CCDC192: variants seen among roughly 807,000 people sequenced by gnomAD.
CCDC192 encodes coiled-coil domain-containing protein 192.
chr5:127,708,332 G>T, intron 2 of CCDC192, among the ~76,000 whole-genome samples: 1 of 152,198 alleles, frequency 6.6e-6, no homozygotes, highest in East Asian at 1.9e-4. Context: ...TAGGCCTCCA[G>T]TGAAAGTGTG....
chr5:127,880,449 T>G (rs1752300345), intron 6 of CCDC192, among the ~76,000 whole-genome samples: 1 of 79,230 alleles, frequency 1.3e-5, no homozygotes. Context: ...CTGGGGACTG[T>G]GGTGGGGTGG....
At chr5:127,795,850 G>A (rs568836172) in intron 3 of CCDC192, among the ~76,000 whole-genome samples, 12 of 152,084 alleles carry the variant, frequency 7.9e-5, no homozygotes, top group Non-Finnish European at 1.6e-4. Context: ...AAATAGAAGG[G>A]TAGGCAGAGA....
At chr5:127,746,307 C>A (rs1412567946) in intron 2 of CCDC192, among the ~76,000 whole-genome samples, 1 of 152,172 alleles carries the variant, frequency 6.6e-6, no homozygotes, top group Non-Finnish European at 1.5e-5. Context: ...TTGGCTTTGA[C>A]TTATATTGCT....
At chr5:127,724,722 G>A (rs930240976) in intron 2 of CCDC192, among the ~76,000 whole-genome samples, 14 of 151,842 alleles carry the variant, frequency 9.2e-5, no homozygotes, top group African/African-American at 2.7e-4. Flanking sequence ...GGTGGCACGC[G>A]CCTGTAGTCC....
chr5:127,787,382 CT>C (rs750756225), intron 3 of CCDC192, among the ~76,000 whole-genome samples: 2 of 152,186 alleles, frequency 1.3e-5, no homozygotes, highest in Non-Finnish European at 2.9e-5. Flanking sequence ...CCCAGGCCTC[CT>C]CCTCCTGCTG....
intron 2 of CCDC192, among the ~76,000 whole-genome samples, chr5:127,741,373 T>A (rs1753409865): frequency 1.3e-5 from 2 of 152,204 alleles, no homozygotes; most frequent in Admixed American, 1.3e-4. Flanking sequence ...TGTAATTTAT[T>A]TTTGAATAAA....
intron 3 of CCDC192, chr5:127,786,646 C>T: frequency 2.6e-6 from 2 of 760,746 alleles, no homozygotes; most frequent in Non-Finnish European, 4.9e-6. Flanking sequence ...GCACAAATTC[C>T]ATTCAGCACT....
intron 2 of CCDC192, among the ~76,000 whole-genome samples, chr5:127,742,588 A>T (rs1753485068): frequency 6.6e-6 from 1 of 152,194 alleles, no homozygotes; most frequent in Non-Finnish European, 1.5e-5. Context: ...TTTAGATAGG[A>T]GGTCTCTATA....
intron 6 of CCDC192, among the ~76,000 whole-genome samples, chr5:127,881,140 A>G (rs1286803598): frequency 6.6e-6 from 1 of 152,180 alleles, no homozygotes; most frequent in African/African-American, 2.4e-5. Flanking sequence ...AGACCCCATA[A>G]TAAATATTTC....
rs142520701 is a variant in CCDC192, at chr5:127,804,859, C to T, written c.411+6697C>T. On this transcript the variant is annotated intron_variant, in intron 5 of 6. Coordinates refer to ENST00000514853, the MANE Select transcript of CCDC192 (RefSeq NM_001317938.2). ...TGTACTGCACTGTCCAGTGAAGCCC[C>T]TAGCACTTCCAGCATAGACCCTTAC... Among the ~76,000 whole-genome samples the T allele has an allele frequency of 1.7e-4, 26 of 152,258 alleles. No homozygotes were observed. The East Asian group carries it at 4.2e-3, about 25-fold the overall frequency.
chr5:127,888,984 G>C (rs1252351952), intron 6 of CCDC192, among the ~76,000 whole-genome samples: 2 of 150,780 alleles, frequency 1.3e-5, no homozygotes, highest in Admixed American at 1.3e-4. Flanking sequence ...AAGCCAAAGG[G>C]AGGTAATTTA....
intron 3 of CCDC192, among the ~76,000 whole-genome samples, chr5:127,789,347 C>T (rs1249352948): frequency 1.3e-5 from 2 of 152,108 alleles, no homozygotes; most frequent in East Asian, 3.9e-4. Context: ...TAATCATGAG[C>T]AGAATATTGA....
intron 6 of CCDC192, among the ~76,000 whole-genome samples, chr5:127,937,717 G>T (rs1017714655): frequency 6.6e-6 from 1 of 152,290 alleles, no homozygotes; most frequent in Middle Eastern, 3.4e-3. Flanking sequence ...TTCCAGAAGG[G>T]CGATGTGGTC....
intron 6 of CCDC192, among the ~76,000 whole-genome samples, chr5:127,892,481 T>A (rs539348262): frequency 6.6e-6 from 1 of 152,196 alleles, no homozygotes; most frequent in Non-Finnish European, 1.5e-5. Context: ...GTAGTGTGGA[T>A]TCAAAATGCC....
At chr5:127,864,475 G>C (rs1751513744) in intron 5 of CCDC192, among the ~76,000 whole-genome samples, 1 of 152,218 alleles carries the variant, frequency 6.6e-6, no homozygotes, top group Admixed American at 6.5e-5. Flanking sequence ...TGGGAGTTCA[G>C]CTTCATGTGC....
At chr5:127,744,813 T>A (rs1753643688) in intron 2 of CCDC192, among the ~76,000 whole-genome samples, 1 of 152,218 alleles carries the variant, frequency 6.6e-6, no homozygotes, top group Non-Finnish European at 1.5e-5. Context: ...TAACATTTAT[T>A]GAGCACTTCT....
intron 6 of CCDC192, among the ~76,000 whole-genome samples, chr5:127,928,155 G>T (rs1287839480): frequency 6.6e-6 from 1 of 151,770 alleles, no homozygotes; most frequent in Admixed American, 6.6e-5. Context: ...CTCGAACTCA[G>T]GTAATCCGCC....
upstream of CCDC192, among the ~76,000 whole-genome samples, chr5:127,702,219 A>T (rs368818411): frequency 8.6e-5 from 13 of 151,910 alleles, no homozygotes; most frequent in African/African-American, 2.9e-4. Flanking sequence ...CAGCTTCCCG[A>T]GTAGCTGGGA....
intron 5 of CCDC192, among the ~76,000 whole-genome samples, chr5:127,804,329 C>T (rs753804882): frequency 6.6e-6 from 1 of 152,180 alleles, no homozygotes; most frequent in Non-Finnish European, 1.5e-5. Context: ...TCTTCCAGGG[C>T]CTGTCATTCA....
Sources: allele counts gnomAD v4.1 joint callset (sites outside exome capture counted in the v4.1 genomes callset), GRCh38; gene constraint gnomAD v4.1.1; transcripts MANE v1.5; gene names NCBI Gene and HGNC (gene_info 2026-07-23, HGNC 2026-07-21).